ANTXRL: variants seen among roughly 807,000 people sequenced by gnomAD.
ANTXRL encodes anthrax toxin receptor-like.
In ANTXRL, 63 loss-of-function variants were observed where a neutral mutation model predicts 75.4. The observed-to-expected ratio is 0.84, with a 90% CI of 0.68 to 1.03. ANTXRL has a LOEUF of 1.03. Among genes scored for constraint, ANTXRL ranks in the 50% least tolerant of loss-of-function variants. The probability of loss-of-function intolerance (pLI) is 0.00; values close to 1 mark genes in which losing one functional copy is unlikely to be tolerated. For missense variants in ANTXRL, 797 were observed against 789.4 expected, an observed-to-expected ratio of 1.01 and a Z score of -0.12; for synonymous variants, 335 against 291.3, an observed-to-expected ratio of 1.15 and a Z score of -1.53.
intron 16 of ANTXRL, among the ~76,000 whole-genome samples, chr10:46,329,058 C>T (rs1305343018): frequency 2.0e-5 from 3 of 152,140 alleles, no homozygotes; most frequent in African/African-American, 7.2e-5. Context: ...TGGTGCCTGG[C>T]TACACTAGTG....
chr10:46,309,765 A>G (rs1838314164), intron 13 of ANTXRL, among the ~76,000 whole-genome samples: 1 of 152,132 alleles, frequency 6.6e-6, no homozygotes, highest in Non-Finnish European at 1.5e-5. Flanking sequence ...AGGGACAGAA[A>G]TGGTGGCTAC....
At chr10:46,316,859 A>T (rs926352920) in intron 16 of ANTXRL, among the ~76,000 whole-genome samples, 1 of 152,038 alleles carries the variant, frequency 6.6e-6, no homozygotes, top group African/African-American at 2.4e-5. Context: ...GGCTGCAGGG[A>T]ATTTTTCTGG....
chr10:46,300,634 A>C (rs1837669885), intron 9 of ANTXRL, among the ~76,000 whole-genome samples: 3 of 151,990 alleles, frequency 2.0e-5, no homozygotes, highest in Admixed American at 2.0e-4. Flanking sequence ...GCACTCTGCA[A>C]GCCTTGCCTC....
At chr10:46,294,796 G>C (rs1319382844) in intron 3 of ANTXRL, among the ~76,000 whole-genome samples, 4 of 151,732 alleles carry the variant, frequency 2.6e-5, no homozygotes, top group Non-Finnish European at 4.4e-5. Context: ...GCCTCTTCTG[G>C]GTATGGATGG....
intron 16 of ANTXRL, among the ~76,000 whole-genome samples, chr10:46,327,502 GT>G (rs1554966744): frequency 1.3e-5 from 2 of 152,110 alleles, no homozygotes; most frequent in East Asian, 3.9e-4. Flanking sequence ...TCAGGACAGG[GT>G]CTGAGGGGGC....
chr10:46,310,974 G>A (rs567506190), intron 14 of ANTXRL, among the ~76,000 whole-genome samples: 1 of 152,194 alleles, frequency 6.6e-6, no homozygotes, highest in East Asian at 1.9e-4. Flanking sequence ...GCTGAGGGAT[G>A]GGGGAGTCCT....
At chr10:46,329,185 T>C (rs1251924907) in intron 16 of ANTXRL, among the ~76,000 whole-genome samples, 1 of 152,128 alleles carries the variant, frequency 6.6e-6, no homozygotes, top group Non-Finnish European at 1.5e-5. Context: ...CCTTCTCAGC[T>C]CATCACCCAC....
intron 1 of ANTXRL, among the ~76,000 whole-genome samples, chr10:46,291,392 A>AT (rs11395700): frequency 0.51 from 75,910 of 149,524 alleles, 18,902 homozygotes; most frequent in Admixed American, 0.56. Flanking sequence ...TCTTTTTCAG[A>AT]TTTTTTTTTT....
chr10:46,295,510 G>GAGTTA (rs1554958274), intron 3 of ANTXRL, among the ~76,000 whole-genome samples: 32 of 61,778 alleles, frequency 5.2e-4, no homozygotes, highest in South Asian at 1.1e-3. Flanking sequence ...GTTAGAGTTA[G>GAGTTA]GAATGTCAAC....
intron 16 of ANTXRL, among the ~76,000 whole-genome samples, chr10:46,321,539 G>T (rs184705695): frequency 5.9e-5 from 9 of 152,196 alleles, no homozygotes; most frequent in African/African-American, 2.2e-4. Flanking sequence ...ACAAGGACTC[G>T]GTATGGTCCC....
chr10:46,293,862 C>T lies in ANTXRL; in HGVS notation c.354C>T (p.Ser118=). 6.5e-7 allele frequency: 1 copy of T among 1,535,730 alleles called. No individual in the cohort carries two copies. Among genetic ancestry groups the T allele is most frequent in the Non-Finnish European group, 8.7e-7 (1 of 1,146,660 alleles). ...PNIRMCFITY[S]TDGQTVLPLT... is the part of the protein sequence containing the mutation. ...TTCGGATGTGCTTCATCACCTACTC[C>T]ACAGACGGCCAGACTGTCTTGCCAC... The change falls in exon 3 of 17, where the codon TCC becomes TCT. Residue 118 remains serine (S), a synonymous_variant. Coordinates refer to ENST00000620264, the MANE Select transcript of ANTXRL (RefSeq NM_001278688.3).
intron 13 of ANTXRL, among the ~76,000 whole-genome samples, chr10:46,309,745 T>C (rs1282605116): frequency 1.3e-5 from 2 of 152,130 alleles, no homozygotes; most frequent in African/African-American, 4.8e-5. Context: ...GGCCCCATAC[T>C]GGGCTGGGCA....
chr10:46,301,451 G>A (rs143609543), intron 9 of ANTXRL, among the ~76,000 whole-genome samples: 70 of 152,290 alleles, frequency 4.6e-4, no homozygotes, highest in South Asian at 2.9e-3. Flanking sequence ...GGGTGACTAC[G>A]AGAGCCAGGC....
chr10:46,297,382 T>C, intron 6 of ANTXRL, 24 bp from the exon 7 acceptor site: 1 of 1,536,076 alleles, frequency 6.5e-7, no homozygotes, highest in Non-Finnish European at 8.7e-7. Flanking sequence ...TGATGACCAA[T>C]ATGCAATGCC....
At chr10:46,307,258 G>C (rs1173036381) in intron 11 of ANTXRL, 144 bp from the exon 12 acceptor site, 24 of 682,614 alleles carry the variant, frequency 3.5e-5, no homozygotes, top group African/African-American at 3.5e-4. Flanking sequence ...GCCCCTCACT[G>C]TCTGACCCAC....
intron 3 of ANTXRL, chr10:46,294,143 G>C (rs1309019977): frequency 1.9e-6 from 1 of 538,670 alleles, no homozygotes; most frequent in Non-Finnish European, 3.3e-6. Context: ...CCCACTTCAC[G>C]CTCCCCTGCC....
chr10:46,289,464 C>T (rs1836894707), intron 1 of ANTXRL, among the ~76,000 whole-genome samples: 1 of 152,170 alleles, frequency 6.6e-6, no homozygotes, highest in African/African-American at 2.4e-5. Flanking sequence ...AGCAGTAGCT[C>T]CCTCCTGTAA....
At chr10:46,287,909 C>T (rs1387444212) in intron 1 of ANTXRL, among the ~76,000 whole-genome samples, 2 of 152,114 alleles carry the variant, frequency 1.3e-5, no homozygotes, top group African/African-American at 2.4e-5. Flanking sequence ...CAAATGACTT[C>T]TATTTTACTG....
chr10:46,287,127 C>T lies in ANTXRL; in HGVS notation c.-136C>T. ...GTACCTGGTGGAGGGCCATAGTGTG[C>T]ACTGGTGAAAGGGCAGGAGGAGGGG... On this transcript the variant is annotated 5_prime_UTR_variant, in exon 1 of 17. Transcript: ENST00000620264. 1.7e-6 allele frequency: 2 copies of T among 1,142,952 alleles called. No individual in the cohort carries two copies. The highest frequency in any genetic ancestry group is 2.4e-6 in the Non-Finnish European group (2 of 830,252). 70.8% of individuals were successfully genotyped at this position (1,142,952 alleles called of 1,614,324 possible). A position where few individuals can be genotyped will look rare whatever the true frequency, so the allele number is the denominator to read the frequency against.
Sources: allele counts gnomAD v4.1 joint callset (sites outside exome capture counted in the v4.1 genomes callset), GRCh38; gene constraint gnomAD v4.1.1; transcripts MANE v1.5; gene names NCBI Gene and HGNC (gene_info 2026-07-23, HGNC 2026-07-21).